The following GPR137C variants were observed in gnomAD, a reference collection of about 807,000 sequenced individuals.
GPR137C encodes G protein-coupled receptor 137C.
A neutral mutation model predicts 43.4 loss-of-function variants in GPR137C; 27 were observed. That is an observed-to-expected ratio of 0.62 (90% CI 0.46 to 0.86). The LOEUF is 0.86. Among genes scored for constraint, GPR137C ranks in the 40% least tolerant of loss-of-function variants. The pLI, the probability that GPR137C is intolerant of heterozygous loss-of-function variation, is 0.00. For missense variants in GPR137C, 522 were observed against 534.6 expected (o/e 0.98, Z 0.23); for synonymous variants, 285 against 226.9 (o/e 1.26, Z -2.30).
chr14:52,620,328 G>A (rs1372250568), intron 3 of GPR137C, among the ~76,000 whole-genome samples: 1 of 152,068 alleles, frequency 6.6e-6, no homozygotes, highest in Non-Finnish European at 1.5e-5. Context: ...AACTACACAT[G>A]TGAAAGACAG....
At chr14:52,603,384 A>G (rs1234259198) in intron 3 of GPR137C, among the ~76,000 whole-genome samples, 1 of 152,196 alleles carries the variant, frequency 6.6e-6, no homozygotes, top group Admixed American at 6.5e-5. Context: ...CTTGGCTATT[A>G]TGAATAGTGC....
chr14:52,591,174 T>C (rs745608141), intron 1 of GPR137C, among the ~76,000 whole-genome samples: 2 of 152,238 alleles, frequency 1.3e-5, no homozygotes, highest in African/African-American at 4.8e-5. Flanking sequence ...TTCTTTTTTA[T>C]GGCTGTGTAG....
intron 3 of GPR137C, among the ~76,000 whole-genome samples, chr14:52,614,596 T>A (rs2039077825): frequency 6.6e-6 from 1 of 152,166 alleles, no homozygotes; most frequent in Admixed American, 6.5e-5. Context: ...CAGGTGATCC[T>A]CCTGCCTCAG....
intron 3 of GPR137C, among the ~76,000 whole-genome samples, chr14:52,619,032 C>T (rs1594805424): frequency 6.6e-6 from 1 of 152,188 alleles, no homozygotes; most frequent in Non-Finnish European, 1.5e-5. Flanking sequence ...CATTTTCTCA[C>T]TCCCTCCTGT....
chr14:52,563,017 C>G (rs1219397905), intron 1 of GPR137C, among the ~76,000 whole-genome samples: 1 of 152,170 alleles, frequency 6.6e-6, no homozygotes, highest in Non-Finnish European at 1.5e-5. Context: ...CTGCCTTCCC[C>G]CCATCAGTCT....
At chr14:52,565,329 T>C (rs745516428) in intron 1 of GPR137C, among the ~76,000 whole-genome samples, 9 of 152,158 alleles carry the variant, frequency 5.9e-5, no homozygotes, top group Non-Finnish European at 1.3e-4. Flanking sequence ...CTAAATATAA[T>C]CCTGTCTTTA....
chr14:52,585,268 T>G (rs1430593795), intron 1 of GPR137C, among the ~76,000 whole-genome samples: 1 of 152,234 alleles, frequency 6.6e-6, no homozygotes, highest in Admixed American at 6.5e-5. Context: ...TTTAATTTTC[T>G]TTTCTTCTCT....
intron 1 of GPR137C, among the ~76,000 whole-genome samples, chr14:52,587,642 C>T (rs1383960225): frequency 2.0e-5 from 3 of 152,130 alleles, no homozygotes; most frequent in Admixed American, 6.5e-5. Flanking sequence ...TGGTGGCACA[C>T]GCCTGTAGTT....
In GPR137C at chr14:52,598,305, G is replaced by T; in HGVS notation, c.478G>T (p.Asp160Tyr). The change falls in exon 2 of 7, where the codon GAC (aspartate) becomes TAC (tyrosine). Residue 160 changes from aspartate (D) to tyrosine (Y), a missense_variant. Physicochemically the swap from Asp to Tyr is radical, Grantham distance 160 (BLOSUM62 -3). This residue lies in a region of GPR137C where 437 missense variants were observed against 425.7 expected (regional missense o/e 1.03). Coordinates refer to ENST00000321662, the MANE Select transcript of GPR137C (RefSeq NM_001099652.2). ...TAAAGTCAGATGTGCCACTGAACTTGACAGACACAAGTAAGTTTTATGAGT... is the reference window on the plus strand; with the variant it reads ...TAAAGTCAGATGTGCCACTGAACTTTACAGACACAAGTAAGTTTTATGAGT... ...ICKVRCATELDRHKILLHLGF... is the reference protein window; with the variant it reads ...ICKVRCATELYRHKILLHLGF... The T allele has an allele frequency of 7.2e-7, 1 of 1,391,032 alleles. No homozygotes were observed. The highest frequency in any genetic ancestry group is 9.8e-7 in the Non-Finnish European group (1 of 1,019,576). The allele number at this position is 1,391,032 out of a possible 1,614,324, so 86.2% of individuals were successfully genotyped here.
chr14:52,620,769 T>C (rs938407468), intron 3 of GPR137C, among the ~76,000 whole-genome samples: 1 of 151,866 alleles, frequency 6.6e-6, no homozygotes, highest in Non-Finnish European at 1.5e-5. Context: ...TTTAAAAATA[T>C]AGTATTTAAA....
chr14:52,588,983 A>G (rs1345988254), intron 1 of GPR137C, among the ~76,000 whole-genome samples: 1 of 152,238 alleles, frequency 6.6e-6, no homozygotes, highest in Non-Finnish European at 1.5e-5. Context: ...GAGGCTACCT[A>G]AGTGTCCATT....
intron 1 of GPR137C, among the ~76,000 whole-genome samples, chr14:52,555,097 T>G (rs1019218695): frequency 6.6e-6 from 1 of 152,150 alleles, no homozygotes; most frequent in Non-Finnish European, 1.5e-5. Flanking sequence ...TGCCACCATT[T>G]CAGATAGTGC....
In GPR137C at chr14:52,612,725, C is replaced by CT. The variant is rs555273638; in HGVS notation, c.717+12401dup. ...TGCGAGCATTCACCACCACACTCAG[C>CT]TTTTTTTTTTTTTTTTTCTTTGGAG... On this transcript the variant is annotated intron_variant, in intron 3 of 6. Coordinates refer to ENST00000321662, the MANE Select transcript of GPR137C (RefSeq NM_001099652.2). 1,087 of 136,228 alleles carry CT rather than the reference C, an allele frequency of 8.0e-3. 10 individuals are homozygous for CT. The highest frequency in any genetic ancestry group is 0.024 in the African/African-American group (902 of 37,132). 8.4% of individuals were successfully genotyped at this position (136,228 alleles called of 1,614,324 possible).
intron 1 of GPR137C, among the ~76,000 whole-genome samples, chr14:52,577,516 G>GCGCGCACACACACACACACACA (rs369713179): frequency 4.8e-5 from 7 of 145,406 alleles, no homozygotes; most frequent in Admixed American, 1.4e-4. Flanking sequence ...GCGCGCGCGC[G>GCGCGCACACACACACACACACA]CACACACACA....
At chr14:52,599,964 C>T in intron 2 of GPR137C, 149 bp from the exon 3 acceptor site, 1 of 610,696 alleles carries the variant, frequency 1.6e-6, no homozygotes, top group East Asian at 2.8e-5. Flanking sequence ...CAACCTGAGA[C>T]TATTTCTGAA....
At position 52,563,647 on chromosome 14, in the gene GPR137C, A is replaced by AAC. The variant is rs371477623; in HGVS notation, c.444+10070_444+10071dup. On this transcript the variant is annotated intron_variant, in intron 1 of 6. Transcript: ENST00000321662. Reference sequence around the variant, plus strand: ...TTACAGAGCAAGATCCCAACTCAAAAACACACACACACACAACTTGGTTCT... The same window carrying AAC: ...TTACAGAGCAAGATCCCAACTCAAAAACACACACACACACACAACTTGGTTCT... Among the ~76,000 whole-genome samples the AAC allele has an allele frequency of 2.4e-3, 361 of 151,956 alleles. 1 individual carries two copies. Among genetic ancestry groups the AAC allele is most frequent in the Non-Finnish European group, 3.7e-3 (250 of 67,954 alleles).
Position 52,553,083 on chromosome 14 carries a change from T to C in GPR137C, c.-65T>C. ...GGTAAGGGGGCAGTCCTTCTCCCCT[T>C]CGACGGCGGCTCCGAGTCCAGCCCC... is the stretch of plus-strand genomic sequence containing the variant. On this transcript the variant is annotated 5_prime_UTR_variant, in exon 1 of 7. Transcript: ENST00000321662. 1.1e-6 allele frequency: 1 copy of C among 917,374 alleles called. No individual in the cohort carries two copies. Among genetic ancestry groups the C allele is most frequent in the Non-Finnish European group, 1.4e-6 (1 of 734,304 alleles). The allele number at this position is 917,374 out of a possible 1,614,324, so 56.8% of individuals were successfully genotyped here.
intron 1 of GPR137C, among the ~76,000 whole-genome samples, chr14:52,590,062 T>C (rs2038762363): frequency 6.6e-6 from 1 of 152,270 alleles, no homozygotes; most frequent in East Asian, 1.9e-4. Context: ...ACTGTTATCA[T>C]AGGAGATGAC....
chr14:52,562,663 A>T (rs2038303981), intron 1 of GPR137C, among the ~76,000 whole-genome samples: 1 of 152,224 alleles, frequency 6.6e-6, no homozygotes. Context: ...TATGAACAAC[A>T]TGGGTAAAGG....
Sources: allele counts gnomAD v4.1 joint callset (sites outside exome capture counted in the v4.1 genomes callset), GRCh38; gene constraint gnomAD v4.1.1; regional missense constraint gnomAD v4.1.1; transcripts MANE v1.5; gene names NCBI Gene and HGNC (gene_info 2026-07-23, HGNC 2026-07-21).